HS2ST1: variants seen among roughly 807,000 people sequenced by gnomAD.
HS2ST1 encodes heparan sulfate 2-O-sulfotransferase 1, also known as 2-O-sulfotransferase.
A neutral mutation model predicts 42.9 loss-of-function variants in HS2ST1; 18 were observed. The ratio of observed to expected loss-of-function variants is 0.42; its 90% CI spans 0.29 to 0.62. HS2ST1 has a LOEUF of 0.62. HS2ST1 is among the 20% of genes least tolerant of loss of function. The probability of loss-of-function intolerance (pLI) is 0.21; values close to 1 mark genes in which losing one functional copy is unlikely to be tolerated. For synonymous variants in HS2ST1, 146 were observed against 152.9 expected (o/e 0.95, Z 0.33); for missense variants, 334 against 433.8 (o/e 0.77, Z 2.04).
intron 1 of HS2ST1, among the ~76,000 whole-genome samples, chr1:86,938,779 T>G (rs2102173136): frequency 6.6e-6 from 1 of 152,332 alleles, no homozygotes; most frequent in Non-Finnish European, 1.5e-5. Context: ...TGTGGGTAAC[T>G]GATTAGTATC....
intron 2 of HS2ST1, among the ~76,000 whole-genome samples, chr1:87,073,480 T>C (rs1651468854): frequency 6.6e-6 from 1 of 152,212 alleles, no homozygotes; most frequent in Admixed American, 6.5e-5. Context: ...CATGATACCC[T>C]GCAATAAAAA....
At chr1:87,001,076 A>G (rs558129144) in intron 1 of HS2ST1, among the ~76,000 whole-genome samples, 5 of 152,334 alleles carry the variant, frequency 3.3e-5, no homozygotes, top group Non-Finnish European at 7.4e-5. Context: ...ATAATGTTGT[A>G]TATCACTTTG....
chr1:87,045,808 C>T, intron 1 of HS2ST1: 1 of 803,304 alleles, frequency 1.2e-6, no homozygotes, highest in Non-Finnish European at 2.2e-6. Context: ...GCATATGGGT[C>T]ATCCTTATCC....
chr1:86,980,578 A>G (rs1055450714), intron 1 of HS2ST1, among the ~76,000 whole-genome samples: 2 of 152,146 alleles, frequency 1.3e-5, no homozygotes, highest in African/African-American at 4.8e-5. Context: ...ATGATGTTTA[A>G]TTTGACTTTC....
chr1:87,024,864 A>G (rs759502467), intron 1 of HS2ST1, among the ~76,000 whole-genome samples: 10 of 152,198 alleles, frequency 6.6e-5, no homozygotes, highest in Admixed American at 5.2e-4. Flanking sequence ...CTGTGTTTCA[A>G]TTGTATTATA....
chr1:87,101,156 GT>G (rs1162453464), intron 5 of HS2ST1, among the ~76,000 whole-genome samples: 7 of 91,144 alleles, frequency 7.7e-5, no homozygotes, highest in Middle Eastern at 8.2e-3. Context: ...TGTGTTTTTT[GT>G]TTTTTTTTTT....
At chr1:86,953,257 G>T (rs1297332110) in intron 1 of HS2ST1, among the ~76,000 whole-genome samples, 1 of 152,216 alleles carries the variant, frequency 6.6e-6, no homozygotes, top group Non-Finnish European at 1.5e-5. Context: ...TGACTTAAGG[G>T]AATGTTGTGG....
At position 87,104,969 on chromosome 1, in the gene HS2ST1, T is replaced by C. The variant is rs1007404153; in HGVS notation, c.*273T>C. ...ATATACATCACCTAAAATGAACTTA[T>C]GGCAGGTCTAATCAAAAGGCTAAAT... is the stretch of plus-strand genomic sequence containing the variant. On this transcript the variant is annotated 3_prime_UTR_variant, in exon 7 of 7. Coordinates refer to ENST00000370550, the MANE Select transcript of HS2ST1 (RefSeq NM_012262.4). 1 of 344,434 alleles carries C rather than the reference T, an allele frequency of 2.9e-6. No individual in the cohort carries two copies. Among genetic ancestry groups the C allele is most frequent in the Non-Finnish European group, 5.3e-6 (1 of 188,800 alleles). 21.3% of individuals were successfully genotyped at this position (344,434 alleles called of 1,614,324 possible).
intron 5 of HS2ST1, 104 bp from the exon 6 acceptor site, chr1:87,103,328 A>C (rs1652259005): frequency 9.7e-7 from 1 of 1,032,188 alleles, no homozygotes; most frequent in African/African-American, 1.7e-5. Context: ...GGCTTTGGAT[A>C]TACATGTGTT....
intron 1 of HS2ST1, among the ~76,000 whole-genome samples, chr1:87,002,768 T>G (rs1162625075): frequency 6.6e-6 from 1 of 152,144 alleles, no homozygotes; most frequent in East Asian, 1.9e-4. Context: ...ATAGGTCCCC[T>G]TTTTGGTCAC....
chr1:86,996,920 G>A (rs116303054), intron 1 of HS2ST1, among the ~76,000 whole-genome samples: 3,696 of 152,228 alleles, frequency 0.024, 68 homozygotes, highest in Middle Eastern at 0.048. Context: ...TGAGTACTTT[G>A]TATCAAATGA....
Position 87,083,680 on chromosome 1 carries a change from A to T in HS2ST1, c.364-514A>T, listed in dbSNP as rs559884591. On this transcript the variant is annotated intron_variant, in intron 2 of 6. Coordinates refer to ENST00000370550, the MANE Select transcript of HS2ST1 (RefSeq NM_012262.4). ...ATCTTTTTATCAACAAGCTTGTGAT[A>T]TCTGCTCTTAACTCTTAAATATCTT... Among the ~76,000 whole-genome samples the T allele has an allele frequency of 1.2e-3, 180 of 152,350 alleles. 1 individual carries two copies. Among genetic ancestry groups the T allele is most frequent in the African/African-American group, 4.2e-3 (174 of 41,584 alleles).
Position 87,092,577 on chromosome 1 carries a change from C to A in HS2ST1, c.496C>A (p.Pro166Thr). Residue 166 changes from proline (P) to threonine (T), a missense_variant, in exon 4 of 7, where the codon CCT becomes ACT. Pro to Thr is a conservative substitution (Grantham distance 38, BLOSUM62 -1). Coordinates refer to ENST00000370550, the MANE Select transcript of HS2ST1 (RefSeq NM_012262.4). The stretch of plus-strand genomic sequence containing the variant: ...AATTTACATTAATGTCATAAGGGAT[C>A]CTATTGAGAGGCTAGTTTCTTATTA... The part of the protein sequence containing the change: ...KPIYINVIRD[P>T]IERLVSYYYF... 1 of 1,585,806 alleles carries A rather than the reference C, an allele frequency of 6.3e-7. No individual in the cohort carries two copies. Among genetic ancestry groups the A allele is most frequent in the South Asian group, 1.1e-5 (1 of 86,996 alleles).
At chr1:86,948,023 C>G (rs1647389222) in intron 1 of HS2ST1, among the ~76,000 whole-genome samples, 1 of 151,858 alleles carries the variant, frequency 6.6e-6, no homozygotes, top group African/African-American at 2.4e-5. Context: ...GGGGTTCTTG[C>G]AAAGTATACT....
At chr1:87,100,831 A>G (rs1652179241) in intron 5 of HS2ST1, among the ~76,000 whole-genome samples, 1 of 152,160 alleles carries the variant, frequency 6.6e-6, no homozygotes, top group African/African-American at 2.4e-5. Context: ...TAAGGTAGGA[A>G]GAACACATGA....
At chr1:87,077,964 A>G (rs1337395972) in intron 2 of HS2ST1, among the ~76,000 whole-genome samples, 1 of 152,164 alleles carries the variant, frequency 6.6e-6, no homozygotes, top group Non-Finnish European at 1.5e-5. Flanking sequence ...AACTTTTCTT[A>G]TATTTTTATC....
chr1:87,056,440 C>G (rs72955554), intron 1 of HS2ST1, among the ~76,000 whole-genome samples: 3,588 of 152,202 alleles, frequency 0.024, 73 homozygotes, highest in African/African-American at 0.049. Context: ...GCAAGCTCAA[C>G]AAGGCAATTT....
At chr1:87,102,230 G>A (rs1307036631) in intron 5 of HS2ST1, among the ~76,000 whole-genome samples, 1 of 152,170 alleles carries the variant, frequency 6.6e-6, no homozygotes, top group Admixed American at 6.5e-5. Context: ...AGCTGATTTT[G>A]TATTTTTAGT....
chr1:87,086,787 G>A (rs1651827102), intron 3 of HS2ST1, among the ~76,000 whole-genome samples: 1 of 151,612 alleles, frequency 6.6e-6, no homozygotes. Context: ...CTTTTTGTCT[G>A]AATCTTATTC....
Sources: allele counts gnomAD v4.1 joint callset (sites outside exome capture counted in the v4.1 genomes callset), GRCh38; gene constraint gnomAD v4.1.1; transcripts MANE v1.5; gene names NCBI Gene and HGNC (gene_info 2026-07-23, HGNC 2026-07-21).